The following RSU1 variants were observed in gnomAD, a reference collection of about 807,000 sequenced individuals.
The protein encoded by RSU1 is rsu-1.
In RSU1, 26 loss-of-function variants were observed where a neutral mutation model predicts 31.1. That is an observed-to-expected ratio of 0.84 (90% CI 0.61 to 1.16). The LOEUF (loss-of-function observed/expected upper bound fraction) is 1.16. Ranked by LOEUF, RSU1 falls within the 50% of genes most tolerant of loss-of-function variation. RSU1 has a pLI of 0.00. For synonymous variants in RSU1, 164 were observed against 136.3 expected (o/e 1.20, Z -1.41); for missense variants, 320 against 339.1 (o/e 0.94, Z 0.44).
chr10:16,607,427 A>G (rs1307427891), intron 8 of RSU1, among the ~76,000 whole-genome samples: 2 of 152,222 alleles, frequency 1.3e-5, no homozygotes, highest in African/African-American at 4.8e-5. Flanking sequence ...TCAGGCCTAT[A>G]GGTGTCAGAG....
At chr10:16,802,715 G>A (rs1054742779) in intron 2 of RSU1, among the ~76,000 whole-genome samples, 1 of 145,954 alleles carries the variant, frequency 6.9e-6, no homozygotes, top group African/African-American at 2.6e-5. Flanking sequence ...CTTACTCCAG[G>A]TATGCAAAGG....
At chr10:16,671,346 T>C (rs376351209) in intron 8 of RSU1, among the ~76,000 whole-genome samples, 2 of 152,288 alleles carry the variant, frequency 1.3e-5, no homozygotes, top group African/African-American at 4.8e-5. Context: ...CAATCTTTGA[T>C]AGCTCCCTTG....
chr10:16,738,295 C>CA (rs1276785879), intron 7 of RSU1, among the ~76,000 whole-genome samples: 1 of 151,680 alleles, frequency 6.6e-6, no homozygotes, highest in Admixed American at 6.6e-5. Flanking sequence ...AAAAAAAATA[C>CA]AAAAAATTAG....
intron 7 of RSU1, among the ~76,000 whole-genome samples, chr10:16,722,891 T>C (rs1023019005): frequency 6.7e-5 from 10 of 149,098 alleles, no homozygotes; most frequent in Non-Finnish European, 8.9e-5. Context: ...CATATACATA[T>C]ATGTATATAT....
intron 7 of RSU1, among the ~76,000 whole-genome samples, chr10:16,705,725 A>G (rs943501916): frequency 6.6e-6 from 1 of 152,044 alleles, no homozygotes; most frequent in African/African-American, 2.4e-5. Context: ...CCTGACCTCA[A>G]ATGATCAGCC....
intron 8 of RSU1, among the ~76,000 whole-genome samples, chr10:16,616,715 C>G (rs142412308): frequency 2.0e-5 from 3 of 152,168 alleles, no homozygotes; most frequent in African/African-American, 7.2e-5. Context: ...GTTCAGCATA[C>G]GCAAATCAAT....
chr10:16,710,181 T>C (rs1008456967), intron 7 of RSU1, among the ~76,000 whole-genome samples: 2 of 152,228 alleles, frequency 1.3e-5, no homozygotes, highest in Non-Finnish European at 2.9e-5. Context: ...TTAAGGTACA[T>C]ACCTTCCATA....
chr10:16,593,407 G>A lies in RSU1; in HGVS notation c.821C>T (p.Ala274Val), dbSNP rs1833546331. ...SKKISRKPLA[A>V]KNR ...CCAATCCCTTCCTTATCTGTTCTTG[G>A]CTGCCAGGGGTTTCCGGCTGATCTT... The change falls in exon 9 of 9, where the codon GCC becomes GTC. Residue 274 changes from alanine to valine, a missense_variant. Physicochemically the swap from Ala to Val is moderately conservative, Grantham distance 64. Transcript: ENST00000345264. 2 of 1,614,084 alleles carry A rather than the reference G, an allele frequency of 1.2e-6. No individual in the cohort carries two copies. Among genetic ancestry groups the A allele is most frequent in the Non-Finnish European group, 1.7e-6 (2 of 1,179,982 alleles).
At chr10:16,755,552 A>G (rs1837067303) in intron 4 of RSU1, among the ~76,000 whole-genome samples, 1 of 152,024 alleles carries the variant, frequency 6.6e-6, no homozygotes, top group Non-Finnish European at 1.5e-5. Context: ...AAATCATACT[A>G]TTTAACACAC....
intron 8 of RSU1, among the ~76,000 whole-genome samples, chr10:16,635,537 G>T (rs1399957280): frequency 6.6e-6 from 1 of 152,092 alleles, no homozygotes; most frequent in Non-Finnish European, 1.5e-5. Context: ...TGGGACTCTG[G>T]CCAAGGCCAG....
intron 3 of RSU1, among the ~76,000 whole-genome samples, chr10:16,775,025 T>C (rs188943193): frequency 3.9e-5 from 6 of 152,114 alleles, no homozygotes; most frequent in Non-Finnish European, 8.8e-5. Context: ...ACCTGGGTGA[T>C]AAAAACACTA....
At chr10:16,810,807 A>G (rs1033331342) in intron 2 of RSU1, among the ~76,000 whole-genome samples, 2 of 152,230 alleles carry the variant, frequency 1.3e-5, no homozygotes, top group Non-Finnish European at 2.9e-5. Context: ...AGATCGCTTG[A>G]GTCCAGGAGT....
At chr10:16,682,631 C>T (rs1439975624) in intron 8 of RSU1, among the ~76,000 whole-genome samples, 1 of 151,594 alleles carries the variant, frequency 6.6e-6, no homozygotes, top group African/African-American at 2.4e-5. Flanking sequence ...GGAACACCTA[C>T]TCTGTCTCTG....
chr10:16,752,268 C>G (rs1191362132), intron 7 of RSU1, among the ~76,000 whole-genome samples: 2 of 152,130 alleles, frequency 1.3e-5, no homozygotes, highest in Admixed American at 1.3e-4. Flanking sequence ...CATGCTTTTC[C>G]CACTACATCA....
chr10:16,728,580 G>A (rs2131597802), intron 7 of RSU1, among the ~76,000 whole-genome samples: 1 of 152,318 alleles, frequency 6.6e-6, no homozygotes, highest in Non-Finnish European at 1.5e-5. Flanking sequence ...GGGAGGCGGG[G>A]TGATGGCTCC....
At chr10:16,781,565 T>C (rs1429087114) in intron 3 of RSU1, among the ~76,000 whole-genome samples, 2 of 152,228 alleles carry the variant, frequency 1.3e-5, no homozygotes, top group African/African-American at 4.8e-5. Flanking sequence ...TTCAAGTAAG[T>C]TTTGCTCATG....
In RSU1 at chr10:16,817,417, C is replaced by G. The variant is rs540193264; in HGVS notation, c.-106G>C. 2 of 255,706 alleles carry G rather than the reference C, an allele frequency of 7.8e-6. No homozygotes were observed. Among genetic ancestry groups the G allele is most frequent in the Non-Finnish European group, 7.7e-6 (1 of 129,926 alleles). The allele number at this position is 255,706 out of a possible 1,614,324, so 15.8% of individuals were successfully genotyped here. ...TGCAACACCGGCACTGAACAGCGAA[C>G]ACGCCCTGTCTCGGCGCCCCGCGCA... is the stretch of plus-strand genomic sequence containing the variant. On this transcript the variant is annotated 5_prime_UTR_variant, in exon 1 of 9. Transcript: ENST00000345264.
At chr10:16,761,135 G>T (rs1350930232) in intron 4 of RSU1, among the ~76,000 whole-genome samples, 1 of 152,072 alleles carries the variant, frequency 6.6e-6, no homozygotes, top group East Asian at 1.9e-4. Context: ...TAGAGACAAG[G>T]TTTCGCCACG....
At chr10:16,675,403 C>A (rs1457166701) in intron 8 of RSU1, among the ~76,000 whole-genome samples, 3 of 152,060 alleles carry the variant, frequency 2.0e-5, no homozygotes, top group Non-Finnish European at 4.4e-5. Flanking sequence ...TACTGAGTGG[C>A]CCACACTTCT....
Sources: allele counts gnomAD v4.1 joint callset (sites outside exome capture counted in the v4.1 genomes callset), GRCh38; gene constraint gnomAD v4.1.1; transcripts MANE v1.5; gene names NCBI Gene and HGNC (gene_info 2026-07-23, HGNC 2026-07-21).